Variants in USP47 observed in about 807,000 individuals in gnomAD.
The protein encoded by USP47 is ubiquitin carboxyl-terminal hydrolase 47.
Under a neutral mutation model 165.1 loss-of-function variants are expected in USP47, and 35 were observed. That is an observed-to-expected ratio of 0.21 (90% CI 0.16 to 0.28). USP47 has a LOEUF of 0.28. Among genes scored for constraint, USP47 ranks in the 10% least tolerant of loss-of-function variants. The probability of loss-of-function intolerance (pLI) is 1.00; values close to 1 mark genes in which losing one functional copy is unlikely to be tolerated. For missense variants in USP47, 1,277 were observed against 1,607.4 expected (o/e 0.79, Z 3.52); for synonymous variants, 531 against 544.5 (o/e 0.98, Z 0.35).
At chr11:11,851,504 G>A (rs1014089054) in intron 1 of USP47, among the ~76,000 whole-genome samples, 4 of 152,018 alleles carry the variant, frequency 2.6e-5, no homozygotes, top group Non-Finnish European at 4.4e-5. Flanking sequence ...CAAGAATTGC[G>A]GAAAGAGTAC....
intron 1 of USP47, among the ~76,000 whole-genome samples, chr11:11,854,487 C>T (rs1446257706): frequency 6.8e-6 from 1 of 147,020 alleles, no homozygotes; most frequent in African/African-American, 2.4e-5. Flanking sequence ...GTGTCATGCA[C>T]ACAATAAGCT....
chr11:11,956,951 G>C lies in USP47; in HGVS notation c.*776G>C, dbSNP rs745477274. 2 of 152,152 alleles carry C rather than the reference G, an allele frequency of 1.3e-5. No homozygotes were observed. The highest frequency in any genetic ancestry group is 1.3e-4 in the Admixed American group (2 of 15,284). 9.4% of individuals were successfully genotyped at this position (152,152 alleles called of 1,614,324 possible). Reference sequence around the variant, plus strand: ...ATCCTGTTGAGTTATCATAATTGCAGTTCAACTATCTGCCATGATTATTCT... The same window carrying C: ...ATCCTGTTGAGTTATCATAATTGCACTTCAACTATCTGCCATGATTATTCT... On this transcript the variant is annotated 3_prime_UTR_variant, in exon 28 of 28. Coordinates refer to ENST00000527733, the MANE Select transcript of USP47 (RefSeq NM_001282659.2).
At chr11:11,916,273 TC>T (rs1188942846) in intron 8 of USP47, among the ~76,000 whole-genome samples, 1 of 152,024 alleles carries the variant, frequency 6.6e-6, no homozygotes, top group Non-Finnish European at 1.5e-5. Flanking sequence ...CGTGGTGAGA[TC>T]CTGTCTCAAA....
At chr11:11,907,306 A>G (rs1325854891) in intron 8 of USP47, among the ~76,000 whole-genome samples, 1 of 152,200 alleles carries the variant, frequency 6.6e-6, no homozygotes, top group East Asian at 1.9e-4. Flanking sequence ...AGTTGCAGCT[A>G]TGAAGCAGTA....
intron 3 of USP47, among the ~76,000 whole-genome samples, chr11:11,888,953 C>A (rs1430978233): frequency 6.6e-6 from 1 of 152,128 alleles, no homozygotes; most frequent in Non-Finnish European, 1.5e-5. Flanking sequence ...ACAAAAAACA[C>A]ATGATTATCT....
At chr11:11,935,464 G>A (rs1459814233) in intron 16 of USP47, among the ~76,000 whole-genome samples, 4 of 151,138 alleles carry the variant, frequency 2.6e-5, no homozygotes, top group East Asian at 2.0e-4. Context: ...GTAAAAGTTC[G>A]CAAATAAAAA....
At chr11:11,851,447 G>A (rs1348296576) in intron 1 of USP47, among the ~76,000 whole-genome samples, 1 of 151,956 alleles carries the variant, frequency 6.6e-6, no homozygotes, top group African/African-American at 2.4e-5. Context: ...TCCAGTTCCT[G>A]AGCCCCTTAG....
intron 12 of USP47, 64 bp from the exon 13 acceptor site, chr11:11,929,980 C>T (rs1012336762): frequency 7.9e-7 from 1 of 1,264,808 alleles, no homozygotes; most frequent in Non-Finnish European, 1.2e-6. Context: ...GATTGAGTTA[C>T]ATATTGACGT....
chr11:11,886,389 A>C (rs1286265660), intron 3 of USP47, among the ~76,000 whole-genome samples: 4 of 152,228 alleles, frequency 2.6e-5, no homozygotes, highest in African/African-American at 7.2e-5. Flanking sequence ...CAGTTCAGAA[A>C]GGAACATTAC....
intron 4 of USP47, among the ~76,000 whole-genome samples, chr11:11,896,580 G>A (rs1310044367): frequency 6.6e-6 from 1 of 152,270 alleles, no homozygotes; most frequent in Admixed American, 6.5e-5. Context: ...TGTGTTACTT[G>A]TAAGTCATAC....
chr11:11,890,993 A>G (rs2134372923), intron 3 of USP47, among the ~76,000 whole-genome samples: 1 of 152,162 alleles, frequency 6.6e-6, no homozygotes. Context: ...GGAACAACAC[A>G]CACTGGGGCA....
Position 11,884,142 on chromosome 11 carries a change from G to T in USP47, c.244-325G>T, listed in dbSNP as rs76169249. Among the ~76,000 whole-genome samples, 161 of 152,138 alleles carry T rather than the reference G, an allele frequency of 1.1e-3. 4 individuals carry two copies. In the East Asian group the frequency reaches 0.026, roughly 25 times the overall value. ...CATTAAATATCATATTGCATATATT[G>T]TATAGAACATGGAAAGAGAAATGTT... On this transcript the variant is annotated intron_variant, in intron 2 of 27. Transcript: ENST00000527733.
intron 4 of USP47, among the ~76,000 whole-genome samples, chr11:11,893,954 A>T (rs1851698727): frequency 6.6e-6 from 1 of 152,194 alleles, no homozygotes; most frequent in Non-Finnish European, 1.5e-5. Flanking sequence ...TTTTCTGGAA[A>T]TAATAGTAAA....
Position 11,940,550 on chromosome 11 carries a change from T to A in USP47, c.2313+2T>A. The A allele has an allele frequency of 6.2e-7, 1 of 1,610,546 alleles. No individual in the cohort carries two copies. Among genetic ancestry groups the A allele is most frequent in the Non-Finnish European group, 8.5e-7 (1 of 1,177,910 alleles). On this transcript the variant is annotated splice_donor_variant, in intron 19 of 27. Coordinates refer to ENST00000527733, the MANE Select transcript of USP47 (RefSeq NM_001282659.2). LOFTEE classifies it high-confidence loss of function. ...GAAGGATTTTTTAGAAGTAACAAGG[T>A]ATGTCATTTACTTTTTCATTACTAT... is the stretch of plus-strand genomic sequence containing the variant.
At chr11:11,911,639 G>GT (rs1385020493) in intron 8 of USP47, among the ~76,000 whole-genome samples, 1 of 152,024 alleles carries the variant, frequency 6.6e-6, no homozygotes, top group Non-Finnish European at 1.5e-5. Flanking sequence ...AAAGGAAAAA[G>GT]ACAAATCTAC....
chr11:11,957,328 A>C lies in USP47; in HGVS notation c.*1153A>C, dbSNP rs1215138632. On this transcript the variant is annotated 3_prime_UTR_variant, in exon 28 of 28. Coordinates refer to ENST00000527733, the MANE Select transcript of USP47 (RefSeq NM_001282659.2). ...AGACTGATGCAGTCAACATGATTTC[A>C]TTGCAGAGTTTATTAGTATCAGCAA... The C allele has an allele frequency of 1.3e-5, 2 of 152,576 alleles. No individual in the cohort carries two copies. Among genetic ancestry groups the C allele is most frequent in the African/African-American group, 4.8e-5 (2 of 41,470 alleles). The allele number at this position is 152,576 out of a possible 1,614,324, so 9.5% of individuals were successfully genotyped here.
At chr11:11,879,020 A>G (rs2134296407) in intron 1 of USP47, among the ~76,000 whole-genome samples, 1 of 152,316 alleles carries the variant, frequency 6.6e-6, no homozygotes, top group East Asian at 1.9e-4. Context: ...ATAGCCCATT[A>G]TGGAGATGGT....
chr11:11,936,107 T>G (rs1254193139), intron 16 of USP47, among the ~76,000 whole-genome samples, 196 bp from the exon 17 acceptor site: 1 of 151,700 alleles, frequency 6.6e-6, no homozygotes, highest in Non-Finnish European at 1.5e-5. Context: ...TAATGAAACA[T>G]AATTATTTAA....
intron 1 of USP47, among the ~76,000 whole-genome samples, chr11:11,870,577 G>A (rs1403476523): frequency 6.6e-6 from 1 of 152,122 alleles, no homozygotes; most frequent in Non-Finnish European, 1.5e-5. Flanking sequence ...ATCTGAGAAT[G>A]TCTTGAATTC....
Sources: gnomAD v4.1 joint callset for allele counts (sites outside exome capture counted in the v4.1 genomes callset) on GRCh38, gnomAD v4.1.1 for gene constraint, MANE v1.5 for transcripts, NCBI Gene and HGNC (gene_info 2026-07-23, HGNC 2026-07-21) for gene names.